RAPH1: variants seen among roughly 807,000 people sequenced by gnomAD.
RAPH1 encodes the protein ras-associated and pleckstrin homology domains-containing protein 1.
A neutral mutation model predicts 88.1 loss-of-function variants in RAPH1; 18 were observed. The observed-to-expected ratio is 0.20, with a 90% CI of 0.14 to 0.30. The LOEUF is 0.30. Among genes scored for constraint, RAPH1 ranks in the 10% least tolerant of loss-of-function variants. The probability of loss-of-function intolerance (pLI) is 1.00; values close to 1 mark genes in which losing one functional copy is unlikely to be tolerated. For missense variants in RAPH1, 1,448 were observed against 1,543.2 expected, an observed-to-expected ratio of 0.94 and a Z score of 1.03; for synonymous variants, 587 against 559.0, an observed-to-expected ratio of 1.05 and a Z score of -0.71.
At chr2:203,532,757 G>C (rs1004542708) in intron 1 of RAPH1, among the ~76,000 whole-genome samples, 1 of 152,190 alleles carries the variant, frequency 6.6e-6, no homozygotes, top group South Asian at 2.1e-4. Context: ...CAAGTTCAGT[G>C]AAACAGTTTA....
chr2:203,448,136 G>C lies in RAPH1; in HGVS notation c.1513-57C>G. ...AACTTTACTGAGTATGATACAGAAG[G>C]ATAAGGTGAAATGGGGGACATATTT... is the stretch of plus-strand genomic sequence containing the variant. On this transcript the variant is annotated intron_variant, in intron 11 of 13. Coordinates refer to ENST00000319170, the MANE Select transcript of RAPH1 (RefSeq NM_213589.3). This position sits in a 1 kb window ranked among gnomAD's most constrained non-coding sequence, Gnocchi z 4.1. The C allele has an allele frequency of 6.4e-7, 1 of 1,552,192 alleles. No individual in the cohort carries two copies. Among genetic ancestry groups the C allele is most frequent in the Non-Finnish European group, 8.8e-7 (1 of 1,134,592 alleles).
chr2:203,474,685 T>TAG (rs1233615484), intron 4 of RAPH1, among the ~76,000 whole-genome samples: 1 of 152,178 alleles, frequency 6.6e-6, no homozygotes, highest in East Asian at 1.9e-4. Context: ...CAGTAAATGA[T>TAG]AGGAGATATT....
Position 203,489,470 on chromosome 2 carries a change from T to C in RAPH1, c.732+114A>G, listed in dbSNP as rs757944361. On this transcript the variant is annotated intron_variant, in intron 4 of 13. Coordinates refer to ENST00000319170, the MANE Select transcript of RAPH1 (RefSeq NM_213589.3). ...ACTCTTGAAACCTATCTCAGAAGTA[T>C]CTTTGACAAATTATAAATGTAGAAG... 571 of 782,804 alleles carry C rather than the reference T, an allele frequency of 7.3e-4. 2 individuals are homozygous for C. The highest frequency in any genetic ancestry group is 9.4e-4 in the Non-Finnish European group (516 of 549,792). 48.5% of individuals were successfully genotyped at this position (782,804 alleles called of 1,614,324 possible). A position where few individuals can be genotyped will look rare whatever the true frequency, so the allele number is the denominator to read the frequency against.
Position 203,440,114 on chromosome 2 carries a change from T to C in RAPH1, c.3076A>G (p.Lys1026Glu). ...ETLPPPAAPP[K>E]PGKLNLSGVN... ...CCAGAAAGATTGAGTTTTCCAGGCT[T>C]GGGGGGTGCTGCAGGAGGTGGTAGG... Residue 1026 changes from lysine to glutamate, a missense_variant, in exon 14 of 14, where the codon AAG becomes GAG. Coordinates refer to ENST00000319170, the MANE Select transcript of RAPH1 (RefSeq NM_213589.3). The C allele has an allele frequency of 3.1e-6, 5 of 1,613,180 alleles. No homozygotes were observed. Among genetic ancestry groups the C allele is most frequent in the Non-Finnish European group, 4.2e-6 (5 of 1,179,888 alleles).
chr2:203,486,194 G>C (rs1026777851), intron 4 of RAPH1, among the ~76,000 whole-genome samples: 6 of 152,064 alleles, frequency 3.9e-5, no homozygotes, highest in African/African-American at 1.4e-4. Flanking sequence ...AATCAACTGG[G>C]AGAAAGTCTG....
At chr2:203,478,705 C>A (rs1687587685) in intron 4 of RAPH1, among the ~76,000 whole-genome samples, 1 of 151,962 alleles carries the variant, frequency 6.6e-6, no homozygotes, top group African/African-American at 2.4e-5. Context: ...GTGAGGCTGG[C>A]CTTGAACTCC....
At chr2:203,457,391 G>A (rs2098520556) in intron 8 of RAPH1, 139 bp downstream of exon 8, 1 of 742,268 alleles carries the variant, frequency 1.3e-6, no homozygotes, top group African/African-American at 1.8e-5. Flanking sequence ...TCACCATCTT[G>A]GGCAGGCTGG....
At chr2:203,506,947 A>G (rs1264718186) in intron 1 of RAPH1, among the ~76,000 whole-genome samples, 1 of 137,100 alleles carries the variant, frequency 7.3e-6, no homozygotes, top group Non-Finnish European at 1.5e-5. Flanking sequence ...CCCAGGCTGG[A>G]GTGCAATGGC....
At chr2:203,481,928 A>T (rs1687747783) in intron 4 of RAPH1, among the ~76,000 whole-genome samples, 1 of 150,910 alleles carries the variant, frequency 6.6e-6, no homozygotes, top group African/African-American at 2.4e-5. Context: ...ATTATTGTCT[A>T]AAAAAAAGGT....
rs1214826819 is a variant in RAPH1 at position 203,448,501 on chromosome 2, C to T, written c.1512+237G>A. On this transcript the variant is annotated intron_variant, in intron 11 of 13. Transcript: ENST00000319170. The surrounding 1 kb of genome is among the most constrained non-coding windows in gnomAD (Gnocchi z 4.1). The stretch of plus-strand genomic sequence containing the variant: ...CATTCTCCAAAGCCAAAATAAATCA[C>T]TTTGATACTACACAAGCTTTTACCA... Among the ~76,000 whole-genome samples the T allele has an allele frequency of 6.6e-6, 1 of 152,140 alleles. No individual in the cohort carries two copies. Among genetic ancestry groups the T allele is most frequent in the East Asian group, 1.9e-4 (1 of 5,198 alleles).
At chr2:203,505,360 C>T (rs1405672055) in intron 1 of RAPH1, among the ~76,000 whole-genome samples, 1 of 152,220 alleles carries the variant, frequency 6.6e-6, no homozygotes, top group East Asian at 1.9e-4. Flanking sequence ...GTGGAAACCC[C>T]TGATAAACCC....
intron 4 of RAPH1, among the ~76,000 whole-genome samples, chr2:203,481,440 T>C (rs1312787659): frequency 6.6e-6 from 1 of 152,114 alleles, no homozygotes; most frequent in Non-Finnish European, 1.5e-5. Context: ...CACTCAATTT[T>C]TCTATTTTGC....
chr2:203,439,937 G>C lies in RAPH1; in HGVS notation c.3253C>G (p.Pro1085Ala). The C allele has an allele frequency of 6.2e-7, 1 of 1,613,904 alleles. No individual in the cohort carries two copies. Among genetic ancestry groups the C allele is most frequent in the Non-Finnish European group, 8.5e-7 (1 of 1,180,018 alleles). The change falls in exon 14 of 14, where the codon CCC becomes GCC. Residue 1085 changes from proline (P) to alanine (A), a missense_variant. Physicochemically the swap from Pro to Ala is conservative, Grantham distance 27 (BLOSUM62 -1). Around this residue, in one of 2 missense-constraint regions of RAPH1, gnomAD observed 935 missense variants for 890.1 expected, o/e 1.05. Coordinates refer to ENST00000319170, the MANE Select transcript of RAPH1 (RefSeq NM_213589.3). ...AAAACTGCTGGAATCTCAATGGGGG[G>C]CAGAGGAAGCTCTGTTTCAGGTGGA... ...PPPPETELPLPPIEIPAVFSG... is the reference protein window; with the variant it reads ...PPPPETELPLAPIEIPAVFSG...
chr2:203,471,635 C>A (rs923529936), intron 4 of RAPH1, among the ~76,000 whole-genome samples: 1 of 151,870 alleles, frequency 6.6e-6, no homozygotes, highest in East Asian at 1.9e-4. Context: ...AGTACATACA[C>A]GGTCATAGAT....
chr2:203,513,503 C>T (rs7423567), intron 1 of RAPH1, among the ~76,000 whole-genome samples: 19,555 of 128,418 alleles, frequency 0.15, 1,775 homozygotes, highest in Middle Eastern at 0.28. Flanking sequence ...TACAATCCAC[C>T]ACATTATGCC....
At chr2:203,465,991 A>G (rs574069752) in intron 4 of RAPH1, among the ~76,000 whole-genome samples, 67 of 152,196 alleles carry the variant, frequency 4.4e-4, no homozygotes, top group Non-Finnish European at 7.8e-4. Flanking sequence ...AGAAATTTTT[A>G]TAAAGCAGCT....
rs972543153 is a variant in RAPH1, at chr2:203,436,945, T to A, written c.*2492A>T. ...CAGTTCATACATGAGGTTAAAACAT[T>A]TTTAATAGCCATTTCTGTCTGTGGA... On this transcript the variant is annotated 3_prime_UTR_variant, in exon 14 of 14. Transcript: ENST00000319170. 3.6e-4 allele frequency: 55 copies of A among 152,190 alleles called. No individual in the cohort carries two copies. Among genetic ancestry groups the A allele is most frequent in the African/African-American group, 1.2e-3 (51 of 41,432 alleles). 9.4% of individuals were successfully genotyped at this position (152,190 alleles called of 1,614,324 possible). A position where few individuals can be genotyped will look rare whatever the true frequency, so the allele number is the denominator to read the frequency against.
intron 7 of RAPH1, 134 bp downstream of exon 7, chr2:203,459,773 T>C (rs771617465): frequency 1.1e-6 from 1 of 876,326 alleles, no homozygotes; most frequent in Non-Finnish European, 1.8e-6. Context: ...TAGTAGATGA[T>C]GCTCCTATAG....
At chr2:203,488,488 C>G (rs1349761525) in intron 4 of RAPH1, among the ~76,000 whole-genome samples, 1 of 144,300 alleles carries the variant, frequency 6.9e-6, no homozygotes, top group Non-Finnish European at 1.5e-5. Flanking sequence ...ACTCAGGAGG[C>G]TGAGGCAGGA....
Sources: allele counts gnomAD v4.1 joint callset (sites outside exome capture counted in the v4.1 genomes callset), GRCh38; gene constraint gnomAD v4.1.1; regional missense constraint gnomAD v4.1.1; non-coding constraint Gnocchi (gnomAD v3.1); transcripts MANE v1.5; gene names NCBI Gene and HGNC (gene_info 2026-07-23, HGNC 2026-07-21).